Variants in PBX1 observed in about 807,000 individuals in gnomAD.
PBX1 encodes the protein PBX homeobox 1.
Under a neutral mutation model 53.4 loss-of-function variants are expected in PBX1, and 6 were observed. That is an observed-to-expected ratio of 0.11 (90% CI 0.06 to 0.22). The LOEUF is 0.22. Ranked by LOEUF, PBX1 falls within the 10% of genes least tolerant of loss-of-function variation. The probability of loss-of-function intolerance (pLI) is 1.00; values close to 1 mark genes in which losing one functional copy is unlikely to be tolerated. For missense variants in PBX1, 251 were observed against 551.4 expected, an observed-to-expected ratio of 0.46 and a Z score of 5.46; for synonymous variants, 204 against 212.3, an observed-to-expected ratio of 0.96 and a Z score of 0.34.
chr1:164,840,636 C>T (rs549351233), intron 8 of PBX1, among the ~76,000 whole-genome samples: 1 of 152,174 alleles, frequency 6.6e-6, no homozygotes. Context: ...CTGCAACTGT[C>T]AGGTTCCAGT....
chr1:164,692,415 G>A (rs1321748510), intron 2 of PBX1, among the ~76,000 whole-genome samples: 1 of 152,182 alleles, frequency 6.6e-6, no homozygotes, highest in East Asian at 1.9e-4. Flanking sequence ...GAATGAAAGG[G>A]AGGGTGTGAA....
At chr1:164,620,088 G>A (rs868273609) in intron 2 of PBX1, among the ~76,000 whole-genome samples, 23 of 152,132 alleles carry the variant, frequency 1.5e-4, no homozygotes, top group Non-Finnish European at 7.3e-5. Context: ...AGCTACTCAG[G>A]AGGCTGAGGT....
intron 8 of PBX1, among the ~76,000 whole-genome samples, chr1:164,840,768 G>A (rs889171098): frequency 3.9e-5 from 6 of 152,116 alleles, no homozygotes; most frequent in African/African-American, 1.2e-4. Context: ...TAAGAGAAAC[G>A]TTCACTGCCT....
chr1:164,621,964 A>T (rs749347809), intron 2 of PBX1, among the ~76,000 whole-genome samples: 2 of 152,180 alleles, frequency 1.3e-5, no homozygotes, highest in Admixed American at 1.3e-4. Context: ...CTCCCTGTAA[A>T]TGAACCCTGG....
intron 2 of PBX1, among the ~76,000 whole-genome samples, chr1:164,867,170 C>A (rs1406688886): frequency 6.6e-6 from 1 of 152,132 alleles, no homozygotes; most frequent in Non-Finnish European, 1.5e-5. Flanking sequence ...AGGTCTTGAG[C>A]AAGTTATTCA....
chr1:164,590,318 C>A (rs1473956515), intron 2 of PBX1: 1 of 455,678 alleles, frequency 2.2e-6, no homozygotes, highest in South Asian at 1.5e-5. Context: ...ATTGTCCCAG[C>A]CTCATTAGGA....
chr1:164,677,727 G>A (rs1557935760), intron 2 of PBX1, among the ~76,000 whole-genome samples: 1 of 152,008 alleles, frequency 6.6e-6, no homozygotes, highest in East Asian at 2.0e-4. Flanking sequence ...GTGCAGGGTG[G>A]GGACACATGG....
intron 2 of PBX1, among the ~76,000 whole-genome samples, chr1:164,766,698 T>G (rs1667070948): frequency 6.6e-6 from 1 of 151,416 alleles, no homozygotes; most frequent in Admixed American, 6.6e-5. Flanking sequence ...ATTCCAGAAA[T>G]TTTCTTTTCT....
intron 2 of PBX1, among the ~76,000 whole-genome samples, chr1:164,604,875 A>C (rs908527442): frequency 2.0e-5 from 3 of 151,928 alleles, no homozygotes; most frequent in African/African-American, 7.3e-5. Context: ...GAAATTTCTC[A>C]CTCTGTTTCC....
chr1:164,709,373 G>A (rs1317990220), intron 2 of PBX1, among the ~76,000 whole-genome samples: 1 of 151,942 alleles, frequency 6.6e-6, no homozygotes, highest in Admixed American at 6.6e-5. Flanking sequence ...GACAAAGCTG[G>A]GTCCATTGAA....
intron 2 of PBX1, among the ~76,000 whole-genome samples, chr1:164,783,886 A>G (rs1223344289): frequency 6.6e-6 from 1 of 152,172 alleles, no homozygotes; most frequent in Non-Finnish European, 1.5e-5. Context: ...GAGACTCGGA[A>G]CTGCAGAACA....
chr1:164,663,974 G>A (rs1044081313), intron 2 of PBX1, among the ~76,000 whole-genome samples: 3 of 152,224 alleles, frequency 2.0e-5, no homozygotes, highest in Non-Finnish European at 2.9e-5. Flanking sequence ...GTTTCAAACA[G>A]TCTCCCCATT....
chr1:164,768,168 T>C (rs971947641), intron 2 of PBX1, among the ~76,000 whole-genome samples: 1 of 152,192 alleles, frequency 6.6e-6, no homozygotes, highest in Non-Finnish European at 1.5e-5. Context: ...AGCCATGTGC[T>C]AGGGGCTCAG....
intron 2 of PBX1, among the ~76,000 whole-genome samples, chr1:164,633,356 G>A (rs1658536338): frequency 6.6e-6 from 1 of 152,002 alleles, no homozygotes; most frequent in Non-Finnish European, 1.5e-5. Flanking sequence ...CACCATGTTG[G>A]CCAGGCTGGT....
intron 2 of PBX1, among the ~76,000 whole-genome samples, chr1:164,760,174 C>G (rs923989250): frequency 1.3e-5 from 2 of 152,208 alleles, no homozygotes; most frequent in Non-Finnish European, 2.9e-5. Flanking sequence ...TTGACTACTG[C>G]TCGGGGCTGG....
At chr1:164,560,034 T>C in intron 1 of PBX1, 21 bp downstream of exon 1, 2 of 1,338,864 alleles carry the variant, frequency 1.5e-6, no homozygotes, top group Non-Finnish European at 1.9e-6. Context: ...GGCTTTTCTT[T>C]TCCTTTCTTG....
At chr1:164,776,922 T>TA (rs1667680163) in intron 2 of PBX1, among the ~76,000 whole-genome samples, 1 of 124,528 alleles carries the variant, frequency 8.0e-6, no homozygotes, top group Non-Finnish European at 1.7e-5. Context: ...TGTGTGTGTG[T>TA]GTGTGTGTGT....
chr1:164,758,099 C>T (rs533074681), intron 2 of PBX1, among the ~76,000 whole-genome samples: 2 of 152,288 alleles, frequency 1.3e-5, no homozygotes, highest in Admixed American at 6.5e-5. Context: ...ACAGCCGCCT[C>T]ATATTTCTAC....
intron 2 of PBX1, among the ~76,000 whole-genome samples, chr1:164,884,892 A>G (rs970822139): frequency 3.3e-5 from 5 of 152,226 alleles, no homozygotes; most frequent in Admixed American, 1.3e-4. Flanking sequence ...ATAGCTAGGT[A>G]TATATATGAC....
Sources: gnomAD v4.1 joint callset for allele counts (sites outside exome capture counted in the v4.1 genomes callset) on GRCh38, gnomAD v4.1.1 for gene constraint, MANE v1.5 for transcripts, NCBI Gene and HGNC (gene_info 2026-07-23, HGNC 2026-07-21) for gene names.